RPH3A: variants seen among roughly 807,000 people sequenced by gnomAD.
RPH3A encodes the protein rabphilin-3A.
Under a neutral mutation model 102.2 loss-of-function variants are expected in RPH3A, and 48 were observed. The ratio of observed to expected loss-of-function variants is 0.47; its 90% CI spans 0.37 to 0.60. The LOEUF (loss-of-function observed/expected upper bound fraction) is 0.60, where lower values mean the gene tolerates loss of function less well. Ranked by LOEUF, RPH3A falls within the 20% of genes least tolerant of loss-of-function variation. The pLI, the probability that RPH3A is intolerant of heterozygous loss-of-function variation, is 0.00. For synonymous variants in RPH3A, 310 were observed against 324.3 expected, an observed-to-expected ratio of 0.96 and a Z score of 0.47; for missense variants, 781 against 910.1, an observed-to-expected ratio of 0.86 and a Z score of 1.83.
chr12:112,661,027 C>T (rs1471635989), intron 1 of RPH3A, among the ~76,000 whole-genome samples: 1 of 152,158 alleles, frequency 6.6e-6, no homozygotes, highest in Non-Finnish European at 1.5e-5. Flanking sequence ...CTTCTGGCCT[C>T]ATAGAGGCTT....
At chr12:112,595,802 G>A (rs1404949420) in intron 1 of RPH3A, among the ~76,000 whole-genome samples, 1 of 152,192 alleles carries the variant, frequency 6.6e-6, no homozygotes, top group Non-Finnish European at 1.5e-5. Flanking sequence ...ATTTTGGGTA[G>A]AGTATTGATT....
At chr12:112,635,415 A>G (rs2039840875) in intron 1 of RPH3A, among the ~76,000 whole-genome samples, 1 of 152,110 alleles carries the variant, frequency 6.6e-6, no homozygotes, top group Non-Finnish European at 1.5e-5. Context: ...CAGTTTCTTT[A>G]TTTGTAAAAT....
At chr12:112,614,256 G>T (rs2039660258) in intron 1 of RPH3A, among the ~76,000 whole-genome samples, 1 of 152,170 alleles carries the variant, frequency 6.6e-6, no homozygotes, top group Non-Finnish European at 1.5e-5. Context: ...ATGGGAAATA[G>T]AACACCAGAT....
At chr12:112,606,073 T>C (rs559635284) in intron 1 of RPH3A, among the ~76,000 whole-genome samples, 1 of 152,338 alleles carries the variant, frequency 6.6e-6, no homozygotes, top group Admixed American at 6.5e-5. Context: ...TATCTATGTA[T>C]CTTTCTTCTC....
intron 1 of RPH3A, among the ~76,000 whole-genome samples, chr12:112,744,533 C>T (rs529500907): frequency 8.5e-5 from 13 of 152,132 alleles, no homozygotes; most frequent in South Asian, 2.1e-4. Flanking sequence ...TGAGGATTTC[C>T]GCAGCTCTGG....
At chr12:112,764,772 C>T (rs2040876973) in intron 1 of RPH3A, among the ~76,000 whole-genome samples, 1 of 152,086 alleles carries the variant, frequency 6.6e-6, no homozygotes, top group East Asian at 1.9e-4. Context: ...TCTGGCATTA[C>T]CTCCTTCTCC....
At chr12:112,711,796 C>A (rs935670084) in intron 1 of RPH3A, among the ~76,000 whole-genome samples, 1 of 152,226 alleles carries the variant, frequency 6.6e-6, no homozygotes, top group South Asian at 2.1e-4. Flanking sequence ...CCACTTTTTG[C>A]TGCAATCTCT....
At chr12:112,873,258 T>G (rs187608126) in intron 10 of RPH3A, among the ~76,000 whole-genome samples, 2 of 152,234 alleles carry the variant, frequency 1.3e-5, no homozygotes, top group African/African-American at 4.8e-5. Flanking sequence ...GGTACTATTG[T>G]AGTCATCTTC....
intron 5 of RPH3A, among the ~76,000 whole-genome samples, chr12:112,855,505 T>A (rs556237973): frequency 5.8e-4 from 88 of 152,320 alleles, no homozygotes; most frequent in Non-Finnish European, 1.1e-3. Flanking sequence ...CCCAAAGTGC[T>A]GAGGCCCAGG....
At chr12:112,800,718 A>T (rs1391488327) in intron 2 of RPH3A, among the ~76,000 whole-genome samples, 1 of 152,052 alleles carries the variant, frequency 6.6e-6, no homozygotes, top group East Asian at 1.9e-4. Flanking sequence ...GATGGATCAG[A>T]CATAAGGGGA....
At chr12:112,675,508 G>A (rs1007330952) in intron 1 of RPH3A, among the ~76,000 whole-genome samples, 8 of 152,168 alleles carry the variant, frequency 5.3e-5, no homozygotes, top group Admixed American at 2.0e-4. Flanking sequence ...AGACATAAGA[G>A]GCTTAAATGA....
In RPH3A at chr12:112,870,310, C is replaced by CAAAA. The variant is rs377457634; in HGVS notation, c.796+287_796+290dup. ...AGCATGATTTTTTTTCTCCCCGCCTCAAAAAAAAAAAAAAAAAAACCCTGG... is the reference window on the plus strand; with the variant it reads ...AGCATGATTTTTTTTCTCCCCGCCTCAAAAAAAAAAAAAAAAAAAAAAACCCTGG... On this transcript the variant is annotated intron_variant, in intron 10 of 21. Transcript: ENST00000389385. 2.6e-3 allele frequency among the ~76,000 whole-genome samples: 277 copies of CAAAA among 105,572 alleles called. 2 individuals are homozygous for CAAAA. The highest frequency in any genetic ancestry group is 9.7e-3 in the South Asian group (28 of 2,900). The allele number at this position is 105,572 out of a possible 152,430, so 69.3% of individuals were successfully genotyped here.
At chr12:112,816,893 G>C (rs1002898616) in intron 2 of RPH3A, among the ~76,000 whole-genome samples, 2 of 152,092 alleles carry the variant, frequency 1.3e-5, no homozygotes, top group Non-Finnish European at 2.9e-5. Context: ...CTTGACAACG[G>C]CATGTTTTGT....
At chr12:112,684,724 G>T (rs1185912882) in intron 1 of RPH3A, among the ~76,000 whole-genome samples, 2 of 152,098 alleles carry the variant, frequency 1.3e-5, no homozygotes, top group African/African-American at 4.8e-5. Flanking sequence ...TTCTATTGCT[G>T]TGTTCATTTT....
At chr12:112,843,701 T>C (rs1328357196) in intron 4 of RPH3A, among the ~76,000 whole-genome samples, 1 of 152,128 alleles carries the variant, frequency 6.6e-6, no homozygotes, top group East Asian at 1.9e-4. Context: ...ATCTCACATG[T>C]GTTCAGTTTT....
chr12:112,750,699 T>G (rs953154885), intron 1 of RPH3A, among the ~76,000 whole-genome samples: 6 of 152,200 alleles, frequency 3.9e-5, no homozygotes, highest in South Asian at 4.1e-4. Flanking sequence ...TTTCGTTCCA[T>G]GTCTTTCCTA....
chr12:112,591,297 G>A (rs558775878), intron 1 of RPH3A, among the ~76,000 whole-genome samples: 1 of 151,238 alleles, frequency 6.6e-6, no homozygotes, highest in Non-Finnish European at 1.5e-5. Flanking sequence ...TGTTACCCAG[G>A]CTGGTCTTGA....
chr12:112,875,774 G>A (rs2042787977), intron 12 of RPH3A, 33 bp downstream of exon 12: 1 of 1,603,426 alleles, frequency 6.2e-7, no homozygotes, highest in South Asian at 1.1e-5. Context: ...GCCTGCCCAA[G>A]TGGCCACCTC....
chr12:112,804,863 C>T (rs1005913366), intron 2 of RPH3A, among the ~76,000 whole-genome samples: 1 of 152,138 alleles, frequency 6.6e-6, no homozygotes. Context: ...CTCTTTCTTT[C>T]GTCTTTGGAT....
Sources: gnomAD v4.1 joint callset for allele counts (sites outside exome capture counted in the v4.1 genomes callset) on GRCh38, gnomAD v4.1.1 for gene constraint, MANE v1.5 for transcripts, NCBI Gene and HGNC (gene_info 2026-07-23, HGNC 2026-07-21) for gene names.